NOS1AP: variants seen among roughly 807,000 people sequenced by gnomAD.
The protein encoded by NOS1AP is nitric oxide synthase 1 adaptor protein.
NOS1AP carries 21 observed loss-of-function variants against 56.2 expected under a neutral mutation model. The ratio of observed to expected loss-of-function variants is 0.37; its 90% CI spans 0.26 to 0.54. The LOEUF (loss-of-function observed/expected upper bound fraction) is 0.54. Among genes scored for constraint, NOS1AP ranks in the 20% least tolerant of loss-of-function variants. The pLI, the probability that NOS1AP is intolerant of heterozygous loss-of-function variation, is 0.84. For synonymous variants in NOS1AP, 270 were observed against 274.6 expected (o/e 0.98, Z 0.17); for missense variants, 522 against 657.8 (o/e 0.79, Z 2.26).
rs966543453 is a variant in NOS1AP at position 162,185,183 on chromosome 1, G to C, written c.177+30707G>C. ...CTCTTCCACTTTTGAGGACTCTTGT[G>C]ATTACATTGTACCAGTGGCTGATCC... On this transcript the variant is annotated intron_variant, in intron 2 of 9. Transcript: ENST00000361897. 2.0e-5 allele frequency among the ~76,000 whole-genome samples: 3 copies of C among 152,162 alleles called. 1 individual carries two copies. Among genetic ancestry groups the C allele is most frequent in the Admixed American group, 1.3e-4 (2 of 15,280 alleles).
intron 2 of NOS1AP, among the ~76,000 whole-genome samples, chr1:162,281,180 T>C (rs1654913704): frequency 6.6e-6 from 1 of 152,238 alleles, no homozygotes; most frequent in Non-Finnish European, 1.5e-5. Flanking sequence ...TGCTCAGTAC[T>C]GTGCTGTGGA....
At position 162,074,630 on chromosome 1, in the gene NOS1AP, T is replaced by C. The variant is rs183723702; in HGVS notation, c.105+4348T>C. ...ATCCATCACTTCAAAACAAACGACCTCAAGACTCAGTAGCTTGAAACAATA... is the reference window on the plus strand; with the variant it reads ...ATCCATCACTTCAAAACAAACGACCCCAAGACTCAGTAGCTTGAAACAATA... On this transcript the variant is annotated intron_variant, in intron 1 of 9. Coordinates refer to ENST00000361897, the MANE Select transcript of NOS1AP (RefSeq NM_014697.3). 5.8e-4 allele frequency among the ~76,000 whole-genome samples: 88 copies of C among 152,280 alleles called. 1 individual carries two copies. Among genetic ancestry groups the C allele is most frequent in the Non-Finnish European group, 1.3e-4 (9 of 68,026 alleles).
chr1:162,207,034 G>A (rs1652184620), intron 2 of NOS1AP, among the ~76,000 whole-genome samples: 1 of 152,210 alleles, frequency 6.6e-6, no homozygotes, highest in African/African-American at 2.4e-5. Flanking sequence ...TTTGGATAGT[G>A]GTAATGTGCT....
chr1:162,279,822 C>T (rs2101728900), intron 2 of NOS1AP, among the ~76,000 whole-genome samples: 1 of 152,306 alleles, frequency 6.6e-6, no homozygotes, highest in East Asian at 1.9e-4. Flanking sequence ...CTAAAAGACA[C>T]AAGTGTTGGG....
At chr1:162,246,964 G>A (rs1483632182) in intron 2 of NOS1AP, among the ~76,000 whole-genome samples, 1 of 152,112 alleles carries the variant, frequency 6.6e-6, no homozygotes, top group African/African-American at 2.4e-5. Context: ...TCATTTTGTG[G>A]GAATCATATT....
intron 2 of NOS1AP, among the ~76,000 whole-genome samples, chr1:162,257,669 A>C (rs1654078340): frequency 6.6e-6 from 1 of 151,630 alleles, no homozygotes; most frequent in Admixed American, 6.6e-5. Flanking sequence ...AAGAAAAAAG[A>C]AAGCCAGGCC....
At chr1:162,258,854 G>A (rs983138308) in intron 2 of NOS1AP, among the ~76,000 whole-genome samples, 3 of 152,168 alleles carry the variant, frequency 2.0e-5, no homozygotes, top group African/African-American at 7.2e-5. Flanking sequence ...GCTTGATACA[G>A]AGTCCATAAC....
chr1:162,259,398 C>G (rs188801567), intron 2 of NOS1AP, among the ~76,000 whole-genome samples: 1 of 152,156 alleles, frequency 6.6e-6, no homozygotes, highest in African/African-American at 2.4e-5. Flanking sequence ...AGGATGCTTG[C>G]TAGTGTCTGA....
chr1:162,324,339 A>C (rs1459728487), intron 4 of NOS1AP, among the ~76,000 whole-genome samples: 1 of 146,648 alleles, frequency 6.8e-6, no homozygotes, highest in Non-Finnish European at 1.5e-5. Context: ...TGGAGAAATT[A>C]TGAGTGTTGG....
intron 4 of NOS1AP, among the ~76,000 whole-genome samples, chr1:162,313,403 G>A (rs947022328): frequency 2.8e-4 from 43 of 152,140 alleles, no homozygotes; most frequent in Middle Eastern, 3.4e-3. Context: ...ATTGACACTC[G>A]GATATTCTTT....
At chr1:162,134,485 TAAAAA>T (rs66940059) in intron 1 of NOS1AP, among the ~76,000 whole-genome samples, 5,904 of 92,626 alleles carry the variant, frequency 0.064, 197 homozygotes, top group East Asian at 0.22. Flanking sequence ...AGACTTTGTC[TAAAAA>T]AAAAAAAAAA....
chr1:162,206,541 C>T (rs1652170751), intron 2 of NOS1AP, among the ~76,000 whole-genome samples: 1 of 152,188 alleles, frequency 6.6e-6, no homozygotes, highest in African/African-American at 2.4e-5. Flanking sequence ...TGCTATCCAG[C>T]CTTGTGCTGA....
intron 2 of NOS1AP, among the ~76,000 whole-genome samples, chr1:162,173,244 C>T (rs1279551499): frequency 1.3e-5 from 2 of 152,180 alleles, no homozygotes; most frequent in East Asian, 1.9e-4. Context: ...GATCTGCCTG[C>T]CTCAGCCTCC....
intron 2 of NOS1AP, among the ~76,000 whole-genome samples, chr1:162,252,484 G>A (rs900521386): frequency 2.6e-5 from 4 of 152,204 alleles, no homozygotes; most frequent in Non-Finnish European, 4.4e-5. Context: ...GAGGTAGTAT[G>A]AAGCATGCAG....
At chr1:162,232,772 TTA>T (rs1653164163) in intron 2 of NOS1AP, among the ~76,000 whole-genome samples, 1 of 152,106 alleles carries the variant, frequency 6.6e-6, no homozygotes, top group Non-Finnish European at 1.5e-5. Flanking sequence ...TATGTACCTA[TTA>T]TGTACCTATT....
rs113635802 is a variant in NOS1AP, at chr1:162,203,910, A to G, written c.177+49434A>G. On this transcript the variant is annotated intron_variant, in intron 2 of 9. Transcript: ENST00000361897. ...AAGCACCAAGGGTCAGCCCATAAAGATCTGAAGTTCAAGAAATGCATGCCA... is the reference window on the plus strand; with the variant it reads ...AAGCACCAAGGGTCAGCCCATAAAGGTCTGAAGTTCAAGAAATGCATGCCA... Among the ~76,000 whole-genome samples, 1,275 of 152,324 alleles carry G rather than the reference A, an allele frequency of 8.4e-3. 21 individuals are homozygous for G. The highest frequency in any genetic ancestry group is 0.029 in the African/African-American group (1,215 of 41,564).
At chr1:162,081,774 A>ATTTTTTTTTTTT (rs59767273) in intron 1 of NOS1AP, among the ~76,000 whole-genome samples, 7 of 44,056 alleles carry the variant, frequency 1.6e-4, no homozygotes, top group African/African-American at 4.6e-4. Context: ...ATATATATAT[A>ATTTTTTTTTTTT]TTTTTTTTTT....
intron 1 of NOS1AP, among the ~76,000 whole-genome samples, chr1:162,116,137 G>A (rs1647939163): frequency 6.6e-6 from 1 of 152,264 alleles, no homozygotes; most frequent in South Asian, 2.1e-4. Flanking sequence ...TGAGCCCCTG[G>A]CCTCTGAAGT....
chr1:162,217,805 T>C (rs1652633310), intron 2 of NOS1AP, among the ~76,000 whole-genome samples: 1 of 152,226 alleles, frequency 6.6e-6, no homozygotes, highest in African/African-American at 2.4e-5. Flanking sequence ...TTCCTGAAAT[T>C]AACCTGCTGC....
Sources: allele counts gnomAD v4.1 joint callset (sites outside exome capture counted in the v4.1 genomes callset), GRCh38; gene constraint gnomAD v4.1.1; transcripts MANE v1.5; gene names NCBI Gene and HGNC (gene_info 2026-07-23, HGNC 2026-07-21).